CDH18: variants seen among roughly 807,000 people sequenced by gnomAD.
The protein encoded by CDH18 is cadherin-18.
Under a neutral mutation model 67.9 loss-of-function variants are expected in CDH18, and 31 were observed. The ratio of observed to expected loss-of-function variants is 0.46; its 90% CI spans 0.34 to 0.62. The LOEUF is 0.62. CDH18 is among the 20% of genes least tolerant of loss of function. The pLI is 0.01. For missense variants in CDH18, 890 were observed against 975.5 expected, an observed-to-expected ratio of 0.91 and a Z score of 1.17; for synonymous variants, 362 against 347.2, an observed-to-expected ratio of 1.04 and a Z score of -0.48.
intron 11 of CDH18, among the ~76,000 whole-genome samples, chr5:19,496,807 A>C (rs1579809631): frequency 1.0e-5 from 1 of 99,372 alleles, no homozygotes; most frequent in East Asian, 2.4e-4. Flanking sequence ...GTGAGACTCC[A>C]TCTCAAAAAA....
intron 5 of CDH18, among the ~76,000 whole-genome samples, chr5:19,700,737 T>C (rs1763132376): frequency 6.6e-6 from 1 of 152,150 alleles, no homozygotes; most frequent in Non-Finnish European, 1.5e-5. Flanking sequence ...GGCTTGTACA[T>C]GTATTTGTAT....
Position 19,472,192 on chromosome 5 carries a change from T to C in CDH18, c.*1034A>G, listed in dbSNP as rs1488903566. Among the ~76,000 whole-genome samples, 5 of 152,188 alleles carry C rather than the reference T, an allele frequency of 3.3e-5. No homozygotes were observed. The highest frequency in any genetic ancestry group is 5.9e-5 in the Non-Finnish European group (4 of 68,034). On this transcript the variant is annotated 3_prime_UTR_variant, in exon 13 of 13. Transcript: ENST00000382275. ...TATGACATTTACGTTCATTGGAGGA[T>C]AGTCTTTCAGACTACATTGTTATTG... is the stretch of plus-strand genomic sequence containing the variant.
chr5:19,980,359 C>T (rs764391955), intron 2 of CDH18, among the ~76,000 whole-genome samples: 72 of 151,948 alleles, frequency 4.7e-4, no homozygotes, highest in South Asian at 1.0e-3. Context: ...TAAATACATA[C>T]ATCAGAAAAA....
chr5:19,935,725 GT>G (rs1794174111), intron 2 of CDH18, among the ~76,000 whole-genome samples: 1 of 140,532 alleles, frequency 7.1e-6, no homozygotes, highest in Non-Finnish European at 1.6e-5. Context: ...TTTTTTTACT[GT>G]GGAAAATAAA....
chr5:20,179,591 T>C (rs10074166), intron 2 of CDH18, among the ~76,000 whole-genome samples: 2,410 of 152,200 alleles, frequency 0.016, 69 homozygotes, highest in African/African-American at 0.055. Flanking sequence ...ATAGAAGTTA[T>C]TTACTGGGAA....
chr5:19,682,204 G>A (rs1760439245), intron 5 of CDH18, among the ~76,000 whole-genome samples: 1 of 152,028 alleles, frequency 6.6e-6, no homozygotes, highest in Non-Finnish European at 1.5e-5. Context: ...TCTGCCAACA[G>A]GCACACTAGA....
At chr5:19,573,074 C>A (rs1331603549) in intron 7 of CDH18, among the ~76,000 whole-genome samples, 1 of 151,784 alleles carries the variant, frequency 6.6e-6, no homozygotes, top group Non-Finnish European at 1.5e-5. Flanking sequence ...TACCAGTTTC[C>A]AAAAAAATAT....
intron 9 of CDH18, among the ~76,000 whole-genome samples, chr5:19,532,216 A>T (rs2126989767): frequency 6.6e-6 from 1 of 152,290 alleles, no homozygotes; most frequent in East Asian, 1.9e-4. Context: ...TCATTCTAAC[A>T]AAGTTCTTTC....
intron 2 of CDH18, among the ~76,000 whole-genome samples, chr5:20,119,318 T>C (rs189618377): frequency 4.6e-5 from 7 of 152,292 alleles, no homozygotes; most frequent in Admixed American, 1.3e-4. Context: ...ATCTTCTTTA[T>C]ATAAATCTAG....
At chr5:20,090,884 A>G (rs1225763899) in intron 2 of CDH18, among the ~76,000 whole-genome samples, 1 of 151,630 alleles carries the variant, frequency 6.6e-6, no homozygotes, top group Non-Finnish European at 1.5e-5. Context: ...TATATATAAA[A>G]TATAAAAGAA....
chr5:19,774,808 C>CAAAAAAAAAAAAAAAAAAA lies in CDH18; in HGVS notation c.229-27591_229-27573dup, dbSNP rs59248561. On this transcript the variant is annotated intron_variant, in intron 3 of 12. Transcript: ENST00000382275. ...TGAGTGACAGAGCAAGACTCTGTCT[C>CAAAAAAAAAAAAAAAAAAA]AAAAAAAAAAAAAAAAAAAAAAAAA... Among the ~76,000 whole-genome samples, 9 of 35,414 alleles carry CAAAAAAAAAAAAAAAAAAA rather than the reference C, an allele frequency of 2.5e-4. 2 individuals are homozygous for CAAAAAAAAAAAAAAAAAAA. The highest frequency in any genetic ancestry group is 7.9e-4 in the Admixed American group (2 of 2,522). The allele number at this position is 35,414 out of a possible 152,430, so 23.2% of individuals were successfully genotyped here.
intron 1 of CDH18, among the ~76,000 whole-genome samples, chr5:20,481,060 A>T (rs1372491787): frequency 6.6e-6 from 1 of 152,128 alleles, no homozygotes; most frequent in East Asian, 1.9e-4. Context: ...CTGCCAGGAA[A>T]AAAAAAGCAA....
chr5:20,191,080 T>G (rs2126717381), intron 2 of CDH18, among the ~76,000 whole-genome samples: 1 of 152,250 alleles, frequency 6.6e-6, no homozygotes, highest in Admixed American at 6.5e-5. Context: ...GTGGCACATT[T>G]TAAGTACTAA....
At chr5:20,013,213 C>A (rs1425418681) in intron 2 of CDH18, among the ~76,000 whole-genome samples, 1 of 152,060 alleles carries the variant, frequency 6.6e-6, no homozygotes, top group Non-Finnish European at 1.5e-5. Flanking sequence ...TTAATTGATT[C>A]ATCTGCTTTC....
chr5:20,307,561 C>T lies in CDH18; in HGVS notation c.-579-52056G>A, dbSNP rs192641795. Among the ~76,000 whole-genome samples, 752 of 152,220 alleles carry T rather than the reference C, an allele frequency of 4.9e-3. 7 individuals carry two copies. The highest frequency in any genetic ancestry group is 8.8e-3 in the Non-Finnish European group (600 of 68,010). ...ACATGTTAAAAAGAAGAAGCAGTGC[C>T]TTAGGAGATTAAAGTGGACTGCTTC... On this transcript the variant is annotated intron_variant, in intron 1 of 14. Coordinates refer to the CDH18 transcript ENST00000507958.
intron 2 of CDH18, among the ~76,000 whole-genome samples, chr5:19,881,830 A>G (rs890451541): frequency 9.2e-5 from 14 of 151,952 alleles, no homozygotes; most frequent in Non-Finnish European, 1.9e-4. Flanking sequence ...AATTACCTTT[A>G]TTATTCTGCT....
chr5:19,618,656 T>C (rs937330021), intron 5 of CDH18, among the ~76,000 whole-genome samples: 1 of 152,192 alleles, frequency 6.6e-6, no homozygotes, highest in Non-Finnish European at 1.5e-5. Flanking sequence ...CTCATTATCG[T>C]GCAAATCTAC....
At chr5:20,387,676 C>A (rs1435725733) in intron 1 of CDH18, among the ~76,000 whole-genome samples, 3 of 152,030 alleles carry the variant, frequency 2.0e-5, no homozygotes, top group African/African-American at 7.2e-5. Flanking sequence ...CCAGTTTTTG[C>A]CCATTCAGTA....
intron 6 of CDH18, among the ~76,000 whole-genome samples, chr5:19,593,986 T>C (rs1745756120): frequency 6.6e-6 from 1 of 151,956 alleles, no homozygotes; most frequent in South Asian, 2.1e-4. Flanking sequence ...AAGACTAACG[T>C]CATAAAGCTT....
Sources: gnomAD v4.1 joint callset for allele counts (sites outside exome capture counted in the v4.1 genomes callset) on GRCh38, gnomAD v4.1.1 for gene constraint, MANE v1.5 for transcripts, NCBI Gene and HGNC (gene_info 2026-07-23, HGNC 2026-07-21) for gene names.